The following POU2F1 variants were observed in gnomAD, a reference collection of about 807,000 sequenced individuals.
The protein encoded by POU2F1 is POU class 2 homeobox 1.
Under a neutral mutation model 84.9 loss-of-function variants are expected in POU2F1, and 16 were observed. The observed-to-expected ratio is 0.19, with a 90% CI of 0.13 to 0.29. The LOEUF (loss-of-function observed/expected upper bound fraction) is 0.29, where lower values mean the gene tolerates loss of function less well. Ranked by LOEUF, POU2F1 falls within the 10% of genes least tolerant of loss-of-function variation. The pLI is 1.00. For synonymous variants in POU2F1, 368 were observed against 368.3 expected, an observed-to-expected ratio of 1.00 and a Z score of 0.01; for missense variants, 738 against 942.6, an observed-to-expected ratio of 0.78 and a Z score of 2.84.
At chr1:167,252,117 C>T (rs1650777372) in intron 1 of POU2F1, among the ~76,000 whole-genome samples, 1 of 152,078 alleles carries the variant, frequency 6.6e-6, no homozygotes, top group African/African-American at 2.4e-5. Flanking sequence ...CTGCCTCGGC[C>T]TCCCAAAGTG....
intron 3 of POU2F1, among the ~76,000 whole-genome samples, chr1:167,368,601 C>T (rs1481187032): frequency 1.3e-5 from 2 of 152,050 alleles, no homozygotes; most frequent in Non-Finnish European, 2.9e-5. Flanking sequence ...GAAGTTCTTT[C>T]CTTGGGCTCT....
In POU2F1 at chr1:167,374,260, G is replaced by A. The variant is rs777862196; in HGVS notation, c.555G>A (p.Thr185=). The A allele has an allele frequency of 6.8e-6, 11 of 1,612,888 alleles. No homozygotes were observed. Among genetic ancestry groups the A allele is most frequent in the African/African-American group, 2.7e-5 (2 of 74,830 alleles). Residue 185 remains threonine, a synonymous_variant, in exon 6 of 16, where the codon ACG becomes ACA. Coordinates refer to ENST00000367866, the MANE Select transcript of POU2F1 (RefSeq NM_002697.4). ...CCGCCTCTGCTGCCACGCCCATGACGCAGATCCCCCTGTCTCAGCCCATAC... is the reference window on the plus strand; with the variant it reads ...CCGCCTCTGCTGCCACGCCCATGACACAGATCCCCCTGTCTCAGCCCATAC... The part of the protein sequence containing the change: ...TISASAATPM[T]QIPLSQPIQI...
Position 167,384,031 on chromosome 1 carries a change from TA to T in POU2F1, c.813+83del, listed in dbSNP as rs1247775456. The T allele has an allele frequency of 1.7e-5, 15 of 895,142 alleles. No individual in the cohort carries two copies. The East Asian group carries it at 3.3e-4, about 20-fold the overall frequency. 55.4% of individuals were successfully genotyped at this position (895,142 alleles called of 1,614,324 possible). A position where few individuals can be genotyped will look rare whatever the true frequency, so the allele number is the denominator to read the frequency against. The stretch of plus-strand genomic sequence containing the variant: ...TTTGGACTTTATTTAATTTTTTTTT[TA>T]AATCTAATAAAAATAATTCGGTCTT... On this transcript the variant is annotated intron_variant, in intron 8 of 15. Transcript: ENST00000367866.
chr1:167,350,866 C>T (rs374749511), intron 2 of POU2F1, among the ~76,000 whole-genome samples: 40 of 151,502 alleles, frequency 2.6e-4, no homozygotes, highest in African/African-American at 6.8e-4. Flanking sequence ...GGCGTGGTGG[C>T]GCATGCCTGT....
chr1:167,397,317 T>C (rs1648877471), intron 10 of POU2F1, among the ~76,000 whole-genome samples: 1 of 152,234 alleles, frequency 6.6e-6, no homozygotes, highest in Non-Finnish European at 1.5e-5. Flanking sequence ...AAGATAAATA[T>C]TAAACGTTCA....
intron 1 of POU2F1, among the ~76,000 whole-genome samples, chr1:167,236,335 T>G (rs1033208861): frequency 6.6e-6 from 1 of 152,070 alleles, no homozygotes; most frequent in African/African-American, 2.4e-5. Flanking sequence ...ACTCCTGACC[T>G]CATGATCCAC....
intron 1 of POU2F1, among the ~76,000 whole-genome samples, chr1:167,236,446 T>G (rs1261914234): frequency 6.6e-6 from 1 of 152,182 alleles, no homozygotes; most frequent in Non-Finnish European, 1.5e-5. Context: ...TTACTAAATT[T>G]TATTAAATAT....
At chr1:167,395,341 A>G (rs373045878) in intron 9 of POU2F1, among the ~76,000 whole-genome samples, 1 of 152,150 alleles carries the variant, frequency 6.6e-6, no homozygotes, top group African/African-American at 2.4e-5. Context: ...GTGAATTTCT[A>G]TTTCTATGAT....
rs760771979 is a variant in POU2F1 at position 167,415,806 on chromosome 1, A to G, written c.2297A>G (p.Gln766Arg). The change falls in exon 16 of 16, where the codon CAG (glutamine) becomes CGG (arginine). Residue 766 changes from glutamine to arginine, a missense_variant. Physicochemically the swap from Gln to Arg is conservative, Grantham distance 43. Transcript: ENST00000367866. ...ASTTTTASKA[Q>R] ...ACCACCACCACCGCCTCCAAGGCACAGTGAGCTGGGCAGAGCTGGGCTGCC... is the reference window on the plus strand; with the variant it reads ...ACCACCACCACCGCCTCCAAGGCACGGTGAGCTGGGCAGAGCTGGGCTGCC... The G allele has an allele frequency of 1.2e-6, 2 of 1,613,508 alleles. No homozygotes were observed. Among genetic ancestry groups the G allele is most frequent in the Non-Finnish European group, 8.5e-7 (1 of 1,179,636 alleles).
chr1:167,357,764 C>T (rs1388209667), intron 2 of POU2F1, among the ~76,000 whole-genome samples: 2 of 151,332 alleles, frequency 1.3e-5, no homozygotes, highest in Admixed American at 6.6e-5. Flanking sequence ...ATGATTCCAC[C>T]CCGCCCTTTA....
chr1:167,371,081 G>A (rs879857226), intron 4 of POU2F1, among the ~76,000 whole-genome samples: 21 of 152,166 alleles, frequency 1.4e-4, no homozygotes, highest in Admixed American at 1.2e-3. Flanking sequence ...CTAGTAACAC[G>A]TAGGAACAAG....
At chr1:167,389,826 G>C (rs1557950616) in intron 9 of POU2F1, 65 bp downstream of exon 9, 2 of 1,528,534 alleles carry the variant, frequency 1.3e-6, no homozygotes, top group Non-Finnish European at 1.8e-6. Flanking sequence ...TTGGCTCTCT[G>C]TATTCATGGA....
At chr1:167,297,718 A>G (rs781525412) in intron 1 of POU2F1, among the ~76,000 whole-genome samples, 19 of 152,196 alleles carry the variant, frequency 1.2e-4, no homozygotes, top group Non-Finnish European at 1.9e-4. Flanking sequence ...TACTACTACT[A>G]TGTAAGCCCT....
chr1:167,414,499 T>A, intron 15 of POU2F1: 1 of 985,398 alleles, frequency 1.0e-6, no homozygotes, highest in Non-Finnish European at 1.2e-6. Context: ...CGTTAGAAAA[T>A]CCCTCAAATC....
intron 1 of POU2F1, among the ~76,000 whole-genome samples, chr1:167,242,066 A>G (rs958224920): frequency 1.3e-5 from 2 of 152,240 alleles, no homozygotes; most frequent in Admixed American, 6.5e-5. Flanking sequence ...AATTGCTTTT[A>G]TCAGGATTTT....
intron 1 of POU2F1, among the ~76,000 whole-genome samples, chr1:167,255,184 A>C (rs1336332306): frequency 6.6e-6 from 1 of 152,208 alleles, no homozygotes; most frequent in Non-Finnish European, 1.5e-5. Context: ...CAAAATAGGT[A>C]AATGCAGTAA....
chr1:167,416,087 T>TAAAAAAAAAAAAAAAAAACAACAAAAAAA lies in POU2F1; in HGVS notation c.*295_*296insCAACAAAAAAAAAAAAAAAAAAAAAAAAA, dbSNP rs1650294912. 1 of 334,154 alleles carries TAAAAAAAAAAAAAAAAAACAACAAAAAAA rather than the reference T, an allele frequency of 3.0e-6. No individual in the cohort carries two copies. Among genetic ancestry groups the TAAAAAAAAAAAAAAAAAACAACAAAAAAA allele is most frequent in the Non-Finnish European group, 5.5e-6 (1 of 182,682 alleles). 20.7% of individuals were successfully genotyped at this position (334,154 alleles called of 1,614,324 possible). ...ATTGGAGAACTTTCTAACCAAAAATTAAAAAAAAAAAAAAAAAAAGAAACA... is the reference window on the plus strand; with the variant it reads ...ATTGGAGAACTTTCTAACCAAAAATTAAAAAAAAAAAAAAAAAACAACAAAAAAAAAAAAAAAAAAAAAAAAAAGAAACA... On this transcript the variant is annotated 3_prime_UTR_variant, in exon 16 of 16. Coordinates refer to ENST00000367866, the MANE Select transcript of POU2F1 (RefSeq NM_002697.4).
At chr1:167,292,362 GA>G (rs1338413634) in intron 1 of POU2F1, among the ~76,000 whole-genome samples, 1 of 151,662 alleles carries the variant, frequency 6.6e-6, no homozygotes, top group African/African-American at 2.4e-5. Context: ...TTTCCATTTT[GA>G]ATATTATTGT....
intron 1 of POU2F1, among the ~76,000 whole-genome samples, chr1:167,237,801 G>A (rs1649614748): frequency 1.8e-5 from 1 of 55,140 alleles, no homozygotes; most frequent in Non-Finnish European, 3.3e-5. Flanking sequence ...TTTTTTTTTG[G>A]CAGAGTGTTG....
Sources: gnomAD v4.1 joint callset for allele counts (sites outside exome capture counted in the v4.1 genomes callset) on GRCh38, gnomAD v4.1.1 for gene constraint, MANE v1.5 for transcripts, NCBI Gene and HGNC (gene_info 2026-07-23, HGNC 2026-07-21) for gene names.